The following HCN1 variants were observed in gnomAD, a reference collection of about 807,000 sequenced individuals.
HCN1 encodes potassium/sodium hyperpolarization-activated cyclic nucleotide-gated channel 1.
HCN1 carries 13 observed loss-of-function variants against 78.9 expected under a neutral mutation model. The ratio of observed to expected loss-of-function variants is 0.16; its 90% CI spans 0.11 to 0.26. The LOEUF (loss-of-function observed/expected upper bound fraction) is 0.26, where lower values mean the gene tolerates loss of function less well. Among genes scored for constraint, HCN1 ranks in the 10% least tolerant of loss-of-function variants. The probability of loss-of-function intolerance (pLI) is 1.00; values close to 1 mark genes in which losing one functional copy is unlikely to be tolerated. For synonymous variants in HCN1, 552 were observed against 455.5 expected (o/e 1.21, Z -2.70); for missense variants, 810 against 1,154.3 (o/e 0.70, Z 4.32).
intron 1 of HCN1, among the ~76,000 whole-genome samples, chr5:45,673,197 T>C (rs142599376): frequency 2.4e-3 from 357 of 151,610 alleles, no homozygotes; most frequent in African/African-American, 8.2e-3. Flanking sequence ...GTTTTTCTCA[T>C]GATTAGACTG....
chr5:45,551,795 A>G (rs896756271), intron 2 of HCN1, among the ~76,000 whole-genome samples: 1 of 151,976 alleles, frequency 6.6e-6, no homozygotes, highest in African/African-American at 2.4e-5. Context: ...AATCTTGAAT[A>G]TAATGAAGAA....
chr5:45,656,622 T>C (rs970668643), intron 1 of HCN1, among the ~76,000 whole-genome samples: 5 of 152,170 alleles, frequency 3.3e-5, no homozygotes, highest in Non-Finnish European at 7.3e-5. Context: ...TGTTATAATA[T>C]AAAATAAATC....
At chr5:45,303,235 G>A (rs537349885) in intron 6 of HCN1, among the ~76,000 whole-genome samples, 49 of 152,208 alleles carry the variant, frequency 3.2e-4, no homozygotes, top group South Asian at 1.7e-3. Context: ...TATATGGGCC[G>A]TATCAAAACA....
intron 2 of HCN1, among the ~76,000 whole-genome samples, chr5:45,522,158 C>A (rs1350784753): frequency 6.6e-6 from 1 of 151,814 alleles, no homozygotes; most frequent in Non-Finnish European, 1.5e-5. Context: ...AATTTACTTT[C>A]TTAACAGTAT....
intron 5 of HCN1, among the ~76,000 whole-genome samples, chr5:45,316,151 G>A (rs1267433460): frequency 6.6e-6 from 1 of 152,156 alleles, no homozygotes; most frequent in Admixed American, 6.5e-5. Context: ...GAACATCGAT[G>A]CAAAAATCTT....
At chr5:45,596,230 T>G (rs2111955193) in intron 2 of HCN1, among the ~76,000 whole-genome samples, 1 of 152,214 alleles carries the variant, frequency 6.6e-6, no homozygotes, top group Middle Eastern at 3.4e-3. Context: ...TGCAATAGGT[T>G]TATCAGGACA....
chr5:45,282,306 T>A (rs1745185175), intron 6 of HCN1, among the ~76,000 whole-genome samples: 1 of 152,216 alleles, frequency 6.6e-6, no homozygotes. Context: ...CATGTTGTTG[T>A]TACTGGCTTT....
Position 45,359,412 on chromosome 5 carries a change from A to T in HCN1, c.1231-6166T>A, listed in dbSNP as rs942593245. Among the ~76,000 whole-genome samples, 64 of 146,716 alleles carry T rather than the reference A, an allele frequency of 4.4e-4. No individual in the cohort carries two copies. The East Asian group carries it at 0.01, about 23-fold the overall frequency. ...TTACTTTCAGGAAGCATCAAAAAAA[A>T]AAAAATATATATATATATATATCAC... On this transcript the variant is annotated intron_variant, in intron 4 of 7. Transcript: ENST00000303230.
intron 2 of HCN1, among the ~76,000 whole-genome samples, chr5:45,572,617 T>C (rs1436776385): frequency 6.6e-6 from 1 of 152,186 alleles, no homozygotes; most frequent in African/African-American, 2.4e-5. Flanking sequence ...CTTTTCTAAA[T>C]TGGGGAAATA....
At chr5:45,381,873 C>A (rs77508225) in intron 4 of HCN1, among the ~76,000 whole-genome samples, 33 of 152,248 alleles carry the variant, frequency 2.2e-4, no homozygotes, top group Middle Eastern at 3.4e-3. Context: ...ATATTATTTC[C>A]CTGCTTATAC....
At chr5:45,283,935 T>A (rs1269072446) in intron 6 of HCN1, among the ~76,000 whole-genome samples, 1 of 152,124 alleles carries the variant, frequency 6.6e-6, no homozygotes, top group Admixed American at 6.6e-5. Context: ...ATGCAGTATA[T>A]AGACATCATA....
At chr5:45,528,282 T>A (rs1166870736) in intron 2 of HCN1, among the ~76,000 whole-genome samples, 4 of 152,042 alleles carry the variant, frequency 2.6e-5, no homozygotes, top group African/African-American at 9.7e-5. Flanking sequence ...TGTTCTGAGA[T>A]TCATCTATTA....
chr5:45,403,728 T>C (rs1368519642), intron 3 of HCN1, among the ~76,000 whole-genome samples: 3 of 152,142 alleles, frequency 2.0e-5, no homozygotes, highest in African/African-American at 7.2e-5. Context: ...AAAAAATAGA[T>C]TGACTGTGAT....
intron 3 of HCN1, among the ~76,000 whole-genome samples, chr5:45,437,263 T>C (rs533809591): frequency 3.3e-5 from 5 of 152,316 alleles, no homozygotes; most frequent in Middle Eastern, 3.4e-3. Flanking sequence ...CATTGTATCA[T>C]AGCCATCAAC....
chr5:45,415,408 T>A (rs541418565), intron 3 of HCN1, among the ~76,000 whole-genome samples: 1 of 152,112 alleles, frequency 6.6e-6, no homozygotes, highest in South Asian at 2.1e-4. Context: ...AACTTGGTCA[T>A]GATGTATCCC....
chr5:45,318,299 A>G (rs1382402312), intron 5 of HCN1, among the ~76,000 whole-genome samples: 3 of 151,824 alleles, frequency 2.0e-5, no homozygotes, highest in Non-Finnish European at 4.4e-5. Context: ...TCTTTCTTAG[A>G]AAACTATCGC....
intron 3 of HCN1, among the ~76,000 whole-genome samples, chr5:45,398,553 C>T (rs1739727584): frequency 6.6e-6 from 1 of 152,122 alleles, no homozygotes; most frequent in Admixed American, 6.6e-5. Context: ...GTCACTTATA[C>T]TGCCTTTTAT....
intron 4 of HCN1, among the ~76,000 whole-genome samples, chr5:45,368,880 C>A (rs1379495245): frequency 6.6e-6 from 1 of 151,930 alleles, no homozygotes; most frequent in Non-Finnish European, 1.5e-5. Flanking sequence ...TATAAAATAA[C>A]ATCCATAAAT....
intron 2 of HCN1, among the ~76,000 whole-genome samples, chr5:45,527,896 G>T (rs1174084758): frequency 6.6e-6 from 1 of 150,620 alleles, no homozygotes; most frequent in African/African-American, 2.4e-5. Context: ...ATGGAGATGG[G>T]ATCTAAACCA....
Sources: gnomAD v4.1 joint callset for allele counts (sites outside exome capture counted in the v4.1 genomes callset) on GRCh38, gnomAD v4.1.1 for gene constraint, MANE v1.5 for transcripts, NCBI Gene and HGNC (gene_info 2026-07-23, HGNC 2026-07-21) for gene names.